Variants in ZNF485 observed in about 807,000 individuals in gnomAD.
ZNF485 encodes the protein Zinc finger protein 93 (Zinc finger protein HTF34).
ZNF485 carries 9 observed loss-of-function variants against 10.8 expected under a neutral mutation model. The ratio of observed to expected loss-of-function variants is 0.83; its 90% CI spans 0.50 to 1.45. The LOEUF (loss-of-function observed/expected upper bound fraction) is 1.45. Among genes scored for constraint, ZNF485 ranks in the 40% most tolerant of loss-of-function variants. The pLI is 0.00. For synonymous variants in ZNF485, 187 were observed against 181.0 expected (o/e 1.03, Z -0.27); for missense variants, 487 against 528.0 (o/e 0.92, Z 0.76).
At position 43,616,601 on chromosome 10, in the gene ZNF485, T is replaced by A. The variant is rs1190286677; in HGVS notation, c.558T>A (p.Tyr186Ter). The A allele has an allele frequency of 1.9e-6, 3 of 1,614,116 alleles. No homozygotes were observed. The highest frequency in any genetic ancestry group is 1.7e-6 in the Non-Finnish European group (2 of 1,180,046). ...HHKVHAGKQP[Y>*]RCIECGKFLK... The stretch of plus-strand genomic sequence containing the variant: ...AGGTTCATGCAGGCAAACAGCCTTA[T>A]AGATGTATTGAATGTGGGAAGTTCC... The change falls in exon 5 of 5, where the codon TAT (tyrosine) becomes TAA (stop). Residue 186 changes from tyrosine to a stop codon, truncating the protein, a stop_gained. Coordinates refer to ENST00000361807, the MANE Select transcript of ZNF485 (RefSeq NM_145312.4). LOFTEE classifies it low-confidence loss of function (END_TRUNC).
chr10:43,607,324 A>G (rs1158450556), intron 2 of ZNF485: 24 of 597,516 alleles, frequency 4.0e-5, no homozygotes, highest in Non-Finnish European at 7.2e-5. Flanking sequence ...TGAAAAAAAT[A>G]CACGTTAGCA....
chr10:43,606,909 C>CG (rs1838658732), intron 1 of ZNF485, 88 bp from the exon 2 acceptor site: 2 of 991,024 alleles, frequency 2.0e-6, no homozygotes, highest in African/African-American at 3.2e-5. Context: ...GTGGAGGGAA[C>CG]GGGCGGGCGG....
Position 43,616,426 on chromosome 10 carries a change from A to G in ZNF485, c.383A>G (p.Lys128Arg). 1 of 1,614,194 alleles carries G rather than the reference A, an allele frequency of 6.2e-7. No individual in the cohort carries two copies. The highest frequency in any genetic ancestry group is 8.5e-7 in the Non-Finnish European group (1 of 1,180,026). ...LDWEGRSSTE[K>R]NYKCKECGKV... ...TGGGAGGGCAGAAGCTCCACAGAGA[A>G]GAACTATAAGTGCAAGGAATGTGGG... The change falls in exon 5 of 5, where the codon AAG becomes AGG. Residue 128 changes from lysine to arginine, a missense_variant. Transcript: ENST00000361807.
intron 4 of ZNF485, among the ~76,000 whole-genome samples, chr10:43,614,862 T>A (rs942869749): frequency 7.2e-5 from 11 of 152,130 alleles, no homozygotes; most frequent in South Asian, 4.2e-4. Flanking sequence ...GTTTATATAT[T>A]TTTTTTCTCC....
chr10:43,610,579 G>A (rs1460624345), intron 4 of ZNF485, among the ~76,000 whole-genome samples: 4 of 151,986 alleles, frequency 2.6e-5, no homozygotes, highest in African/African-American at 9.7e-5. Flanking sequence ...TGTTCTTTCT[G>A]TTTTAATTTT....
At chr10:43,606,609 C>T (rs990747261) in intron 1 of ZNF485, 63 bp downstream of exon 1, 14 of 289,206 alleles carry the variant, frequency 4.8e-5, no homozygotes, top group African/African-American at 1.1e-4. Context: ...GGGTGCTCCC[C>T]GCCTTTCCCA....
At chr10:43,615,961 C>A (rs1424272353) in intron 4 of ZNF485, among the ~76,000 whole-genome samples, 1 of 152,178 alleles carries the variant, frequency 6.6e-6, no homozygotes, top group African/African-American at 2.4e-5. Context: ...GGGCTTTCTC[C>A]TCAATTTTGT....
Position 43,617,645 on chromosome 10 carries a change from G to C in ZNF485, c.*276G>C. The C allele has an allele frequency of 3.6e-6, 1 of 280,430 alleles. No homozygotes were observed. The highest frequency in any genetic ancestry group is 6.7e-6 in the Non-Finnish European group (1 of 148,810). 17.4% of individuals were successfully genotyped at this position (280,430 alleles called of 1,614,324 possible). ...ATGGTGGCATATGCCTGTAGTCCCA[G>C]TTACTTGGGAGGCTGAGACAGGATT... On this transcript the variant is annotated 3_prime_UTR_variant, in exon 5 of 5. Transcript: ENST00000361807.
At chr10:43,611,587 C>A (rs1008752494) in intron 4 of ZNF485, among the ~76,000 whole-genome samples, 1 of 151,986 alleles carries the variant, frequency 6.6e-6, no homozygotes, top group African/African-American at 2.4e-5. Context: ...TGGGTATTTC[C>A]GCTATTCATA....
chr10:43,606,706 C>G (rs1838653250), intron 1 of ZNF485, 160 bp downstream of exon 1: 2 of 411,966 alleles, frequency 4.9e-6, no homozygotes, highest in Admixed American at 4.0e-5. Flanking sequence ...TGTGGAGCGA[C>G]CGCTCGAGGC....
At chr10:43,610,827 C>T (rs1273860277) in intron 4 of ZNF485, among the ~76,000 whole-genome samples, 1 of 152,148 alleles carries the variant, frequency 6.6e-6, no homozygotes, top group African/African-American at 2.4e-5. Context: ...CTTCACATAC[C>T]TTTCTCATCA....
chr10:43,608,447 T>C (rs10793451), intron 2 of ZNF485, among the ~76,000 whole-genome samples, 167 bp from the exon 3 acceptor site: 69,230 of 152,132 alleles, frequency 0.46, 16,354 homozygotes, highest in East Asian at 0.78. Context: ...AGGAAGAACC[T>C]GCTCAAGGGA....
Position 43,617,132 on chromosome 10 carries a change from T to C in ZNF485, c.1089T>C (p.Phe363=), listed in dbSNP as rs1361441054. 6.2e-7 allele frequency: 1 copy of C among 1,614,140 alleles called. No homozygotes were observed. Among genetic ancestry groups the C allele is most frequent in the East Asian group, 2.2e-5 (1 of 44,866 alleles). ...AGTGTCGTGACTGTGGGAAGGCCTT[T>C]ACAAAGAGCTCAACCCTTACTGGAC... The part of the protein sequence containing the change: ...PYQCRDCGKA[F]TKSSTLTGHQ... The change falls in exon 5 of 5, where the codon TTT becomes TTC. Residue 363 remains phenylalanine, a synonymous_variant. Transcript: ENST00000361807.
At position 43,607,047 on chromosome 10, in the gene ZNF485, A is replaced by G. The variant is rs944082760; in HGVS notation, c.-4A>G. 1.3e-6 allele frequency: 2 copies of G among 1,551,634 alleles called. No homozygotes were observed. Among genetic ancestry groups the G allele is most frequent in the African/African-American group, 2.7e-5 (2 of 73,014 alleles). ...CTTGCCTGGGAGAACAGTTCAGGAG[A>G]CAGATGGCCCCAAGAGCCCAGATCC... is the stretch of plus-strand genomic sequence containing the variant. On this transcript the variant is annotated 5_prime_UTR_variant, in exon 2 of 5. Coordinates refer to ENST00000361807, the MANE Select transcript of ZNF485 (RefSeq NM_145312.4).
chr10:43,607,108 C>T, intron 2 of ZNF485, 34 bp downstream of exon 2: 4 of 1,550,674 alleles, frequency 2.6e-6, no homozygotes, highest in East Asian at 2.4e-5. Flanking sequence ...TGAGAAACCA[C>T]GTGTTTCAGC....
intron 2 of ZNF485, among the ~76,000 whole-genome samples, chr10:43,608,173 C>T (rs1227380271): frequency 6.6e-6 from 1 of 152,196 alleles, no homozygotes; most frequent in Non-Finnish European, 1.5e-5. Flanking sequence ...AAAGCTTGAA[C>T]ACTTCTGTGT....
rs1343206050 is a variant in ZNF485 at position 43,609,672 on chromosome 10, TTTTC to T, written c.247+334_247+337del. Among the ~76,000 whole-genome samples the T allele has an allele frequency of 3.9e-5, 6 of 152,122 alleles. No individual in the cohort carries two copies. In the East Asian group the frequency reaches 7.7e-4, roughly 20 times the overall value. ...TTTGTTTCTTTCTACTTCTGTTCCATTTTCTTTCTTTCTTTTTTTTATATTTTTT... is the reference window on the plus strand; with the variant it reads ...TTTGTTTCTTTCTACTTCTGTTCCATTTTCTTTCTTTTTTTTATATTTTTT... On this transcript the variant is annotated intron_variant, in intron 4 of 4. Coordinates refer to ENST00000361807, the MANE Select transcript of ZNF485 (RefSeq NM_145312.4).
intron 4 of ZNF485, among the ~76,000 whole-genome samples, chr10:43,615,818 T>C (rs1212226259): frequency 1.3e-5 from 2 of 152,236 alleles, no homozygotes; most frequent in Non-Finnish European, 2.9e-5. Flanking sequence ...CACTGAGCAA[T>C]TAAATATTGG....
rs748806524 is a variant in ZNF485 at position 43,616,947 on chromosome 10, G to A, written c.904G>A (p.Glu302Lys). 7.4e-6 allele frequency: 12 copies of A among 1,614,000 alleles called. No individual in the cohort carries two copies. The South Asian group carries it at 1.3e-4, about 18-fold the overall frequency. The stretch of plus-strand genomic sequence containing the variant: ...TGGTGAGAAGCCATATCAGTGTAAT[G>A]AATGTGGAAAAGCCTTTAGGAAGAG... ...HTGEKPYQCN[E>K]CGKAFRKSST... The change falls in exon 5 of 5, where the codon GAA becomes AAA. Residue 302 changes from glutamate to lysine, a missense_variant. By Grantham distance (56) the Glu-to-Lys change is moderately conservative. Transcript: ENST00000361807.
Sources: gnomAD v4.1 joint callset for allele counts (sites outside exome capture counted in the v4.1 genomes callset) on GRCh38, gnomAD v4.1.1 for gene constraint, MANE v1.5 for transcripts, NCBI Gene and HGNC (gene_info 2026-07-23, HGNC 2026-07-21) for gene names.